KCNK10: variants seen among roughly 807,000 people sequenced by gnomAD.
KCNK10 encodes the protein potassium channel subfamily K member 10.
KCNK10 carries 25 observed loss-of-function variants against 47.7 expected under a neutral mutation model. That is an observed-to-expected ratio of 0.52 (90% CI 0.38 to 0.73). KCNK10 has a LOEUF of 0.73. Ranked by LOEUF, KCNK10 falls within the 30% of genes least tolerant of loss-of-function variation. The probability of loss-of-function intolerance (pLI) is 0.00; values close to 1 mark genes in which losing one functional copy is unlikely to be tolerated. For missense variants in KCNK10, 563 were observed against 714.5 expected, an observed-to-expected ratio of 0.79 and a Z score of 2.42; for synonymous variants, 303 against 285.6, an observed-to-expected ratio of 1.06 and a Z score of -0.61.
chr14:88,207,298 G>A (rs1305496198), intron 4 of KCNK10, among the ~76,000 whole-genome samples: 2 of 149,668 alleles, frequency 1.3e-5, no homozygotes, highest in East Asian at 2.0e-4. Context: ...TCAGCCTCCC[G>A]AGCAGCTGGG....
chr14:88,185,552 G>C lies in KCNK10; in HGVS notation c.1615C>G (p.Leu539Val), dbSNP rs534322556. ...KDREPENNSL[L>V]EDRN ...CTTCACATTTAGTTTCTGTCTTCAA[G>C]TAATGAGTTGTTCTCCGGCTCCCGG... Residue 539 changes from leucine to valine, a missense_variant, in exon 7 of 7, where the codon CTT becomes GTT. Physicochemically the swap from Leu to Val is conservative, Grantham distance 32. Transcript: ENST00000319231. The surrounding 1 kb of genome is among the most constrained non-coding windows in gnomAD (Gnocchi z 4.3). 1.2e-6 allele frequency: 2 copies of C among 1,613,226 alleles called. No individual in the cohort carries two copies. The highest frequency in any genetic ancestry group is 1.7e-6 in the Non-Finnish European group (2 of 1,179,434).
intron 1 of KCNK10, among the ~76,000 whole-genome samples, chr14:88,286,062 AAC>A (rs2139776706): frequency 6.6e-6 from 1 of 152,288 alleles, no homozygotes; most frequent in African/African-American, 2.4e-5. Context: ...CATGTGGAGA[AAC>A]ACAGTGATCA....
At chr14:88,257,936 T>A (rs565925503) in intron 2 of KCNK10, among the ~76,000 whole-genome samples, 1 of 152,186 alleles carries the variant, frequency 6.6e-6, no homozygotes, top group East Asian at 1.9e-4. Context: ...TTGTAGGATG[T>A]CTAGCAGCAA....
chr14:88,189,080 C>T (rs1218384018), intron 5 of KCNK10, among the ~76,000 whole-genome samples: 4 of 152,236 alleles, frequency 2.6e-5, no homozygotes, highest in Admixed American at 1.3e-4. Flanking sequence ...TGGTAACTAT[C>T]GTATTAGGTG....
intron 2 of KCNK10, among the ~76,000 whole-genome samples, chr14:88,248,483 C>A (rs560134438): frequency 1.7e-4 from 26 of 152,126 alleles, no homozygotes; most frequent in Non-Finnish European, 2.8e-4. Context: ...AATCCCCATA[C>A]TTTGGGAGGC....
chr14:88,321,189 G>T (rs1888539135), intron 1 of KCNK10, among the ~76,000 whole-genome samples: 1 of 152,090 alleles, frequency 6.6e-6, no homozygotes, highest in Non-Finnish European at 1.5e-5. Context: ...TTCTGCCTCA[G>T]GCCCTTTGCA....
At chr14:88,253,626 A>C (rs1423894508) in intron 2 of KCNK10, among the ~76,000 whole-genome samples, 35 of 152,198 alleles carry the variant, frequency 2.3e-4, no homozygotes, top group Admixed American at 2.3e-3. Flanking sequence ...CTTAGCCGGC[A>C]CAGTGGCTCA....
intron 1 of KCNK10, among the ~76,000 whole-genome samples, chr14:88,267,109 G>A (rs1887279254): frequency 6.6e-6 from 1 of 152,186 alleles, no homozygotes. Context: ...TTTGCTTACT[G>A]TGAAATGTGA....
chr14:88,180,621 A>G lies in KCNK10; in HGVS notation c.*4914T>C, dbSNP rs1884314893. The G allele has an allele frequency of 2.5e-6, 1 of 396,700 alleles. No homozygotes were observed. The highest frequency in any genetic ancestry group is 2.1e-5 in the African/African-American group (1 of 48,710). 24.6% of individuals were successfully genotyped at this position (396,700 alleles called of 1,614,324 possible). On this transcript the variant is annotated 3_prime_UTR_variant, in exon 7 of 7. Coordinates refer to ENST00000319231, the MANE Select transcript of KCNK10 (RefSeq NM_138317.3). The stretch of plus-strand genomic sequence containing the variant: ...TTTTTCACCTAAGAATCAAGAACAC[A>G]AAGTAGATACCAAATCTCAGGCACC...
chr14:88,318,379 G>A (rs1198976153), intron 1 of KCNK10, among the ~76,000 whole-genome samples: 1 of 152,210 alleles, frequency 6.6e-6, no homozygotes, highest in Non-Finnish European at 1.5e-5. Flanking sequence ...CACCTCATAT[G>A]CTAGTAAAGG....
intron 2 of KCNK10, among the ~76,000 whole-genome samples, chr14:88,255,511 C>T (rs1409663443): frequency 1.4e-5 from 2 of 142,986 alleles, no homozygotes; most frequent in Non-Finnish European, 3.0e-5. Flanking sequence ...ACGAGCAACA[C>T]AGTGAGACCC....
intron 1 of KCNK10, among the ~76,000 whole-genome samples, 195 bp from the exon 2 acceptor site, chr14:88,263,746 C>T (rs1332669570): frequency 2.0e-5 from 3 of 151,664 alleles, no homozygotes; most frequent in Non-Finnish European, 4.4e-5. Flanking sequence ...AAAATAAGCA[C>T]CAGGGGTCCC....
chr14:88,268,192 A>G (rs187751726), intron 1 of KCNK10, among the ~76,000 whole-genome samples: 44 of 152,304 alleles, frequency 2.9e-4, no homozygotes, highest in African/African-American at 1.0e-3. Context: ...CCCATCAAGG[A>G]GTTCTTGAGC....
intron 2 of KCNK10, among the ~76,000 whole-genome samples, chr14:88,258,354 C>T (rs1039215926): frequency 1.3e-5 from 2 of 151,300 alleles, no homozygotes; most frequent in Non-Finnish European, 2.9e-5. Context: ...GCAATGGCAC[C>T]ATCTCAGCTC....
At chr14:88,237,130 T>C (rs1886322126) in intron 3 of KCNK10, among the ~76,000 whole-genome samples, 3 of 152,264 alleles carry the variant, frequency 2.0e-5, no homozygotes, top group African/African-American at 7.2e-5. Flanking sequence ...GAATTCTTTG[T>C]TGTCATTTCA....
rs138294803 is a variant in KCNK10, at chr14:88,202,326, A to G, written c.682-9916T>C. On this transcript the variant is annotated intron_variant, in intron 4 of 6. Coordinates refer to ENST00000319231, the MANE Select transcript of KCNK10 (RefSeq NM_138317.3). ...ATGTCCACGTCAGAGGATCCTTGTC[A>G]TTCTTTTTGCCCACCAATAATTTGA... 6.4e-3 allele frequency among the ~76,000 whole-genome samples: 975 copies of G among 152,304 alleles called. 33 individuals carry two copies. The highest frequency in any genetic ancestry group is 0.044 in the Admixed American group (673 of 15,298).
intron 1 of KCNK10, among the ~76,000 whole-genome samples, chr14:88,291,111 ACACTG>A (rs1887866804): frequency 6.6e-6 from 1 of 152,244 alleles, no homozygotes; most frequent in Non-Finnish European, 1.5e-5. Context: ...AAGAAGCCAA[ACACTG>A]CAGAACTGTA....
intron 1 of KCNK10, among the ~76,000 whole-genome samples, chr14:88,320,198 G>T (rs1389805648): frequency 6.6e-6 from 1 of 152,174 alleles, no homozygotes; most frequent in Admixed American, 6.5e-5. Context: ...GAAAATAATT[G>T]TATGAAACAA....
chr14:88,307,928 G>A (rs1482882036), intron 1 of KCNK10, among the ~76,000 whole-genome samples: 1 of 152,092 alleles, frequency 6.6e-6, no homozygotes, highest in East Asian at 1.9e-4. Flanking sequence ...TCATTTAAGA[G>A]GTCTCATTTA....
Sources: allele counts gnomAD v4.1 joint callset (sites outside exome capture counted in the v4.1 genomes callset), GRCh38; gene constraint gnomAD v4.1.1; non-coding constraint Gnocchi (gnomAD v3.1); transcripts MANE v1.5; gene names NCBI Gene and HGNC (gene_info 2026-07-23, HGNC 2026-07-21).